CDH9: variants seen among roughly 807,000 people sequenced by gnomAD.
CDH9 encodes cadherin-9.
CDH9 carries 28 observed loss-of-function variants against 70.9 expected under a neutral mutation model. The ratio of observed to expected loss-of-function variants is 0.40; its 90% CI spans 0.29 to 0.54. The LOEUF is 0.54. Ranked by LOEUF, CDH9 falls within the 20% of genes least tolerant of loss-of-function variation. The pLI, the probability that CDH9 is intolerant of heterozygous loss-of-function variation, is 0.59. For missense variants in CDH9, 874 were observed against 984.4 expected, an observed-to-expected ratio of 0.89 and a Z score of 1.50; for synonymous variants, 409 against 343.1, an observed-to-expected ratio of 1.19 and a Z score of -2.12.
At chr5:26,893,873 A>T (rs1579666970) in intron 7 of CDH9, among the ~76,000 whole-genome samples, 1 of 152,106 alleles carries the variant, frequency 6.6e-6, no homozygotes, top group East Asian at 1.9e-4. Flanking sequence ...AACATGAAAC[A>T]AAATATTATG....
chr5:27,037,935 T>C (rs953012078), intron 1 of CDH9, among the ~76,000 whole-genome samples: 5 of 152,130 alleles, frequency 3.3e-5, no homozygotes, highest in African/African-American at 1.2e-4. Flanking sequence ...GTGGCATTTT[T>C]ACTATTCATA....
At chr5:26,960,742 T>G (rs1235373116) in intron 2 of CDH9, among the ~76,000 whole-genome samples, 1 of 152,034 alleles carries the variant, frequency 6.6e-6, no homozygotes, top group African/African-American at 2.4e-5. Flanking sequence ...AATCTTTCAG[T>G]AGCATATGAA....
At chr5:26,987,860 A>T (rs915021950) in intron 2 of CDH9, among the ~76,000 whole-genome samples, 2 of 152,112 alleles carry the variant, frequency 1.3e-5, no homozygotes, top group Non-Finnish European at 2.9e-5. Flanking sequence ...TATCTAGCTG[A>T]TTAATAATGA....
intron 2 of CDH9, among the ~76,000 whole-genome samples, chr5:26,952,804 C>G (rs1313273503): frequency 1.4e-5 from 2 of 147,292 alleles, no homozygotes; most frequent in African/African-American, 5.0e-5. Context: ...ATACTGGAGG[C>G]TTTATAAGAA....
chr5:26,980,020 TA>T (rs1321367448), intron 2 of CDH9, among the ~76,000 whole-genome samples: 1 of 151,894 alleles, frequency 6.6e-6, no homozygotes, highest in African/African-American at 2.4e-5. Flanking sequence ...AAATTTTTCC[TA>T]AAATTCTTTT....
intron 1 of CDH9, among the ~76,000 whole-genome samples, chr5:27,034,816 A>G (rs1743364642): frequency 6.6e-6 from 1 of 151,700 alleles, no homozygotes; most frequent in South Asian, 2.1e-4. Flanking sequence ...ATTTAGGGAT[A>G]AGTGCATTAA....
rs140577763 is a variant in CDH9 at position 26,981,993 on chromosome 5, C to T, written c.228+6113G>A. Among the ~76,000 whole-genome samples, 1,480 of 152,126 alleles carry T rather than the reference C, an allele frequency of 9.7e-3. 89 individuals carry two copies. Among genetic ancestry groups the T allele is most frequent in the Admixed American group, 0.088 (1,339 of 15,232 alleles). On this transcript the variant is annotated intron_variant, in intron 2 of 11. Transcript: ENST00000231021. Reference sequence around the variant, plus strand: ...AGCCTTGTACATAAATAATTCTCCCCATCCCTCTCTCCATACCCTTCTGAA... The same window carrying T: ...AGCCTTGTACATAAATAATTCTCCCTATCCCTCTCTCCATACCCTTCTGAA...
chr5:26,933,347 TG>T (rs1159890269), intron 2 of CDH9, among the ~76,000 whole-genome samples: 2 of 151,636 alleles, frequency 1.3e-5, no homozygotes, highest in African/African-American at 4.8e-5. Flanking sequence ...TATTTGTTTT[TG>T]TTAAGTCCAA....
In CDH9 at chr5:26,881,489, C is replaced by CA; in HGVS notation, c.2016dup (p.Asp673Ter). 1 of 1,613,808 alleles carries CA rather than the reference C, an allele frequency of 6.2e-7. No homozygotes were observed. ...TCTGGATTCCTTAATGTGCCAATGTCAAAAGCTTGGGTATCTTCTTCCCCG... is the reference window on the plus strand; with the variant it reads ...TCTGGATTCCTTAATGTGCCAATGTCAAAAAGCTTGGGTATCTTCTTCCCCG... On this transcript the variant is annotated frameshift_variant, in exon 12 of 12. Coordinates refer to ENST00000231021, the MANE Select transcript of CDH9 (RefSeq NM_016279.4). LOFTEE classifies it high-confidence loss of function.
chr5:27,020,127 G>A (rs1743112207), intron 1 of CDH9, among the ~76,000 whole-genome samples: 1 of 151,576 alleles, frequency 6.6e-6, no homozygotes, highest in Non-Finnish European at 1.5e-5. Context: ...TAGGCTTATA[G>A]TATTTAAATA....
At chr5:26,901,247 A>G (rs1740849257) in intron 7 of CDH9, among the ~76,000 whole-genome samples, 1 of 151,970 alleles carries the variant, frequency 6.6e-6, no homozygotes. Flanking sequence ...ACATAATTTG[A>G]TACTGATAAT....
intron 1 of CDH9, among the ~76,000 whole-genome samples, chr5:27,030,673 A>C (rs140021335): frequency 1.6e-3 from 248 of 152,076 alleles, no homozygotes; most frequent in African/African-American, 5.8e-3. Flanking sequence ...GTTAGAAAGC[A>C]GTAGACAACA....
At chr5:27,006,524 T>C (rs1211649562) in intron 1 of CDH9, among the ~76,000 whole-genome samples, 2 of 152,056 alleles carry the variant, frequency 1.3e-5, no homozygotes, top group African/African-American at 4.8e-5. Flanking sequence ...TCTGCTAAGA[T>C]AACAGGATGC....
chr5:26,998,969 G>A (rs993288340), intron 1 of CDH9, among the ~76,000 whole-genome samples: 1 of 151,810 alleles, frequency 6.6e-6, no homozygotes, highest in Non-Finnish European at 1.5e-5. Flanking sequence ...ACATGAGGCC[G>A]GGCGTGGTGG....
At chr5:26,931,304 T>C (rs886105248) in intron 2 of CDH9, among the ~76,000 whole-genome samples, 11 of 151,994 alleles carry the variant, frequency 7.2e-5, no homozygotes, top group African/African-American at 2.4e-4. Context: ...CTGGGCAGAG[T>C]ACAAAGGGAA....
At chr5:27,024,907 G>A (rs904337324) in intron 1 of CDH9, among the ~76,000 whole-genome samples, 2 of 151,870 alleles carry the variant, frequency 1.3e-5, no homozygotes, top group Non-Finnish European at 2.9e-5. Flanking sequence ...GAGTTAGCAC[G>A]GATCAAAAGT....
At chr5:27,004,601 T>C (rs2112109185) in intron 1 of CDH9, among the ~76,000 whole-genome samples, 1 of 152,106 alleles carries the variant, frequency 6.6e-6, no homozygotes, top group South Asian at 2.1e-4. Context: ...AATAAATTAA[T>C]AGAAGTGGAG....
intron 3 of CDH9, among the ~76,000 whole-genome samples, chr5:26,911,752 T>A (rs1487636775): frequency 6.6e-6 from 1 of 152,156 alleles, no homozygotes; most frequent in African/African-American, 2.4e-5. Context: ...TAAATATATA[T>A]CTTTGTATAT....
intron 1 of CDH9, among the ~76,000 whole-genome samples, chr5:27,030,829 C>G (rs1376968300): frequency 6.6e-6 from 1 of 151,440 alleles, no homozygotes; most frequent in Non-Finnish European, 1.5e-5. Context: ...GCACATGAAT[C>G]TAGTATATTA....
Sources: gnomAD v4.1 joint callset for allele counts (sites outside exome capture counted in the v4.1 genomes callset) on GRCh38, gnomAD v4.1.1 for gene constraint, MANE v1.5 for transcripts, NCBI Gene and HGNC (gene_info 2026-07-23, HGNC 2026-07-21) for gene names.